The following HECTD2 variants were observed in gnomAD, a reference collection of about 807,000 sequenced individuals.
HECTD2 encodes probable E3 ubiquitin-protein ligase HECTD2.
A neutral mutation model predicts 103.2 loss-of-function variants in HECTD2; 35 were observed. The observed-to-expected ratio is 0.34, with a 90% CI of 0.26 to 0.45. The LOEUF is 0.45. HECTD2 is among the 20% of genes least tolerant of loss of function. HECTD2 has a pLI of 1.00. For synonymous variants in HECTD2, 281 were observed against 329.9 expected, an observed-to-expected ratio of 0.85 and a Z score of 1.61; for missense variants, 596 against 937.4, an observed-to-expected ratio of 0.64 and a Z score of 4.76.
In HECTD2 at chr10:91,482,978, T is replaced by G; in HGVS notation, c.723T>G (p.Phe241Leu). 6.7e-7 allele frequency: 1 copy of G among 1,496,850 alleles called. No individual in the cohort carries two copies. Among genetic ancestry groups the G allele is most frequent in the South Asian group, 1.2e-5 (1 of 84,178 alleles). The allele number at this position is 1,496,850 out of a possible 1,614,324, so 92.7% of individuals were successfully genotyped here. A position where few individuals can be genotyped will look rare whatever the true frequency, so the allele number is the denominator to read the frequency against. Residue 241 changes from phenylalanine (F) to leucine (L), a missense_variant, in exon 8 of 21, where the codon TTT becomes TTG. Coordinates refer to ENST00000298068, the MANE Select transcript of HECTD2 (RefSeq NM_182765.6). ...AYFILLQNPQ[F>L]NNTSTYVIYA... ...AATATCTTTTTCAGAATCCTCAGTTTAATAACACATCTACGTATGTCATCT... is the reference window on the plus strand; with the variant it reads ...AATATCTTTTTCAGAATCCTCAGTTGAATAACACATCTACGTATGTCATCT...
At chr10:91,416,301 C>G (rs1843123868) in intron 1 of HECTD2, among the ~76,000 whole-genome samples, 1 of 152,138 alleles carries the variant, frequency 6.6e-6, no homozygotes, top group Non-Finnish European at 1.5e-5. Context: ...ACACATAAAA[C>G]ATTTAGAAAA....
At chr10:91,459,095 T>C (rs374232314) in intron 2 of HECTD2, among the ~76,000 whole-genome samples, 2 of 151,958 alleles carry the variant, frequency 1.3e-5, no homozygotes, top group East Asian at 1.9e-4. Context: ...GAAGAAGATA[T>C]ATGGATGGAA....
At chr10:91,460,593 T>C (rs771450758) in intron 3 of HECTD2, 28 bp downstream of exon 3, 14 of 1,583,608 alleles carry the variant, frequency 8.8e-6, no homozygotes, top group Non-Finnish European at 8.6e-7. Context: ...TATGTAAATG[T>C]ATAGTCATCT....
intron 14 of HECTD2, 70 bp from the exon 15 acceptor site, chr10:91,496,144 C>A: frequency 2.0e-6 from 2 of 1,008,046 alleles, no homozygotes; most frequent in Non-Finnish European, 2.9e-6. Flanking sequence ...AAAAAATAGA[C>A]TGATGCATAA....
chr10:91,479,872 C>G (rs1212355279), intron 6 of HECTD2, among the ~76,000 whole-genome samples: 1 of 152,058 alleles, frequency 6.6e-6, no homozygotes, highest in African/African-American at 2.4e-5. Context: ...TTTTTATGTA[C>G]TTTTCCTTAA....
intron 15 of HECTD2, among the ~76,000 whole-genome samples, chr10:91,497,322 G>A (rs1297782329): frequency 7.7e-6 from 1 of 130,088 alleles, no homozygotes; most frequent in Admixed American, 7.9e-5. Flanking sequence ...AGACAGTCTT[G>A]CTCTGTTGTC....
chr10:91,420,764 C>T (rs916987614), intron 1 of HECTD2, among the ~76,000 whole-genome samples: 1 of 152,124 alleles, frequency 6.6e-6, no homozygotes, highest in African/African-American at 2.4e-5. Context: ...CTATATTCCC[C>T]TGTCTAAAAT....
chr10:91,484,469 G>T, intron 8 of HECTD2, 38 bp from the exon 9 acceptor site: 1 of 1,586,250 alleles, frequency 6.3e-7, no homozygotes, highest in Non-Finnish European at 8.6e-7. Flanking sequence ...AATAGAAAAT[G>T]TGAATTTTGA....
rs749669753 is a variant in HECTD2, at chr10:91,487,602, A to C, written c.1095-80A>C. On this transcript the variant is annotated intron_variant, in intron 10 of 20. Transcript: ENST00000298068. The surrounding 1 kb of genome is among the most constrained non-coding windows in gnomAD (Gnocchi z 4.1). ...AAAAGTAATGTTTTATATTGCTACA[A>C]GGGGTACCTTAGATTCCCTTAGTAT... 1.2e-6 allele frequency: 1 copy of C among 844,764 alleles called. No homozygotes were observed. The highest frequency in any genetic ancestry group is 2.4e-5 in the East Asian group (1 of 41,140). The allele number at this position is 844,764 out of a possible 1,614,324, so 52.3% of individuals were successfully genotyped here. A position where few individuals can be genotyped will look rare whatever the true frequency, so the allele number is the denominator to read the frequency against.
chr10:91,508,792 A>G (rs1241648102), intron 20 of HECTD2, among the ~76,000 whole-genome samples: 2 of 151,968 alleles, frequency 1.3e-5, no homozygotes, highest in African/African-American at 4.8e-5. Context: ...CCAAAGGACT[A>G]TAAATCATGC....
At chr10:91,425,891 A>G (rs542080115) in intron 2 of HECTD2, among the ~76,000 whole-genome samples, 5 of 152,100 alleles carry the variant, frequency 3.3e-5, no homozygotes, top group African/African-American at 1.2e-4. Flanking sequence ...TAACGATATA[A>G]CATAGGTAAA....
chr10:91,460,631 A>C (rs1845307880), intron 3 of HECTD2, 66 bp downstream of exon 3: 7 of 1,441,098 alleles, frequency 4.9e-6, no homozygotes, highest in Non-Finnish European at 4.6e-6. Flanking sequence ...ATAATTTAAT[A>C]TCTTTATTTG....
chr10:91,510,166 C>T (rs1322228037), intron 20 of HECTD2, among the ~76,000 whole-genome samples: 1 of 152,180 alleles, frequency 6.6e-6, no homozygotes, highest in Non-Finnish European at 1.5e-5. Context: ...AAATAATCTT[C>T]AGTCATTAAT....
chr10:91,410,768 G>T (rs1842887856), intron 1 of HECTD2, among the ~76,000 whole-genome samples, 192 bp downstream of exon 1: 1 of 152,100 alleles, frequency 6.6e-6, no homozygotes, highest in South Asian at 2.1e-4. Context: ...CGAACACTTC[G>T]CGAGGTACAC....
At chr10:91,473,523 A>G (rs1845801733) in intron 5 of HECTD2, among the ~76,000 whole-genome samples, 1 of 152,188 alleles carries the variant, frequency 6.6e-6, no homozygotes, top group Admixed American at 6.5e-5. Flanking sequence ...TCATAAATAC[A>G]GTTGACCCTT....
chr10:91,424,222 G>A (rs1056316881), intron 1 of HECTD2, among the ~76,000 whole-genome samples: 2 of 152,128 alleles, frequency 1.3e-5, no homozygotes, highest in South Asian at 4.1e-4. Context: ...ACTCAGAAAT[G>A]ACAGACGTCT....
In HECTD2 at chr10:91,439,626, A is replaced by G. The variant is rs200780147; in HGVS notation, c.268+14216A>G. 3.3e-5 allele frequency among the ~76,000 whole-genome samples: 5 copies of G among 152,120 alleles called. No homozygotes were observed. The East Asian group carries it at 5.8e-4, about 18-fold the overall frequency. ...TTTTCTAATTCTGTGAAGAAAGTCA[A>G]TGGTAGCTTGATGGGGATAGCATTG... On this transcript the variant is annotated intron_variant, in intron 2 of 20. Coordinates refer to ENST00000298068, the MANE Select transcript of HECTD2 (RefSeq NM_182765.6).
At chr10:91,503,605 C>T (rs1026022654) in intron 20 of HECTD2, among the ~76,000 whole-genome samples, 3 of 152,172 alleles carry the variant, frequency 2.0e-5, no homozygotes, top group East Asian at 1.9e-4. Context: ...GATTATATCC[C>T]GCACTTGGCT....
chr10:91,492,959 A>G (rs1227670193), intron 13 of HECTD2, among the ~76,000 whole-genome samples: 1 of 151,864 alleles, frequency 6.6e-6, no homozygotes, highest in Non-Finnish European at 1.5e-5. Flanking sequence ...AATCCTTACT[A>G]TCTGTTAAAC....
Sources: allele counts gnomAD v4.1 joint callset (sites outside exome capture counted in the v4.1 genomes callset), GRCh38; gene constraint gnomAD v4.1.1; non-coding constraint Gnocchi (gnomAD v3.1); transcripts MANE v1.5; gene names NCBI Gene and HGNC (gene_info 2026-07-23, HGNC 2026-07-21).